The following GRID1 variants were observed in gnomAD, a reference collection of about 807,000 sequenced individuals.
The protein encoded by GRID1 is glutamate receptor ionotropic, delta-1.
GRID1 carries 28 observed loss-of-function variants against 98.0 expected under a neutral mutation model. That is an observed-to-expected ratio of 0.29 (90% CI 0.21 to 0.39). The LOEUF is 0.39. Among genes scored for constraint, GRID1 ranks in the 10% least tolerant of loss-of-function variants. The pLI, the probability that GRID1 is intolerant of heterozygous loss-of-function variation, is 1.00. For synonymous variants in GRID1, 553 were observed against 538.5 expected (o/e 1.03, Z -0.37); for missense variants, 1,111 against 1,340.5 (o/e 0.83, Z 2.67).
At chr10:86,136,101 T>C (rs1343536617) in intron 4 of GRID1, among the ~76,000 whole-genome samples, 2 of 152,200 alleles carry the variant, frequency 1.3e-5, no homozygotes, top group Admixed American at 6.5e-5. Flanking sequence ...CGTTTGTCCT[T>C]GTCACAACAA....
chr10:86,165,114 G>A (rs975546242), intron 3 of GRID1, among the ~76,000 whole-genome samples: 1 of 152,114 alleles, frequency 6.6e-6, no homozygotes, highest in Admixed American at 6.5e-5. Context: ...CAGCCACAGG[G>A]GGTTTCAATC....
intron 2 of GRID1, among the ~76,000 whole-genome samples, chr10:86,230,514 G>T (rs12357426): frequency 0.3 from 44,996 of 152,082 alleles, 7,216 homozygotes; most frequent in Non-Finnish European, 0.38. Flanking sequence ...CAGCTCTGGA[G>T]AGGCCATCAT....
chr10:85,622,522 C>G (rs1285957750), intron 13 of GRID1, among the ~76,000 whole-genome samples: 1 of 152,178 alleles, frequency 6.6e-6, no homozygotes, highest in African/African-American at 2.4e-5. Context: ...ACTACAGGTT[C>G]ACGCCACTAT....
At chr10:85,805,382 C>G (rs562664140) in intron 8 of GRID1, among the ~76,000 whole-genome samples, 1 of 151,856 alleles carries the variant, frequency 6.6e-6, no homozygotes, top group Non-Finnish European at 1.5e-5. Flanking sequence ...TTGGCATGTT[C>G]ATGAGTGAAA....
chr10:86,120,833 G>T (rs1409448066), intron 4 of GRID1, among the ~76,000 whole-genome samples: 3 of 152,118 alleles, frequency 2.0e-5, no homozygotes, highest in Admixed American at 6.5e-5. Context: ...CCTTTGTCGT[G>T]GGGGGAGTGA....
Position 85,601,909 on chromosome 10 carries a change from A to T in GRID1, c.*364T>A. On this transcript the variant is annotated 3_prime_UTR_variant, in exon 16 of 16. Transcript: ENST00000327946. ...TCCTCGTCTTCCCTTCTCCCCCAGCAGAGAGGGGCTCCTTATCTGGTCGCC... is the reference window on the plus strand; with the variant it reads ...TCCTCGTCTTCCCTTCTCCCCCAGCTGAGAGGGGCTCCTTATCTGGTCGCC... The T allele has an allele frequency of 5.0e-6, 1 of 199,086 alleles. No individual in the cohort carries two copies. The highest frequency in any genetic ancestry group is 1.2e-4 in the East Asian group (1 of 8,494). 12.3% of individuals were successfully genotyped at this position (199,086 alleles called of 1,614,324 possible).
rs1841790428 is a variant in GRID1 at position 85,728,757 on chromosome 10, T to A, written c.1336-705A>T. On this transcript the variant is annotated intron_variant, in intron 9 of 15. Transcript: ENST00000327946. ...GCCTTTGGCAAACAGCTCCAGGGAG[T>A]ATAGCTCATTAATTTAGTTGTGTTG... Among the ~76,000 whole-genome samples, 4 of 152,004 alleles carry A rather than the reference T, an allele frequency of 2.6e-5. 1 individual carries two copies. The South Asian group carries it at 8.3e-4, about 32-fold the overall frequency.
chr10:86,265,230 C>T (rs1237145643), intron 2 of GRID1, among the ~76,000 whole-genome samples: 1 of 152,222 alleles, frequency 6.6e-6, no homozygotes, highest in Non-Finnish European at 1.5e-5. Flanking sequence ...TCACCTCCCA[C>T]TCCACTTCTC....
intron 2 of GRID1, among the ~76,000 whole-genome samples, chr10:86,266,963 G>C (rs1307474710): frequency 6.6e-6 from 1 of 152,146 alleles, no homozygotes; most frequent in Admixed American, 6.5e-5. Flanking sequence ...CTGTCCCCAA[G>C]AACAAGAGTA....
intron 14 of GRID1, among the ~76,000 whole-genome samples, chr10:85,616,065 T>C (rs1370976927): frequency 6.6e-6 from 1 of 152,172 alleles, no homozygotes; most frequent in Non-Finnish European, 1.5e-5. Context: ...TACAGACCGT[T>C]AGCTCGAGAT....
intron 8 of GRID1, among the ~76,000 whole-genome samples, chr10:85,808,750 T>C (rs1183971751): frequency 6.6e-6 from 1 of 152,118 alleles, no homozygotes; most frequent in African/African-American, 2.4e-5. Context: ...AGTATAGCAT[T>C]TTACAATAAT....
intron 3 of GRID1, among the ~76,000 whole-genome samples, chr10:86,167,265 G>T (rs1243337819): frequency 1.3e-5 from 2 of 152,356 alleles, no homozygotes; most frequent in African/African-American, 4.8e-5. Flanking sequence ...CCTCCCTGCT[G>T]CTGTCTTCCT....
At chr10:86,024,792 C>T (rs1843095309) in intron 4 of GRID1, among the ~76,000 whole-genome samples, 1 of 152,218 alleles carries the variant, frequency 6.6e-6, no homozygotes, top group South Asian at 2.1e-4. Context: ...TCTGGTCCAG[C>T]ATGCAAGGGT....
chr10:85,693,007 A>AGC (rs1841350964), intron 12 of GRID1, among the ~76,000 whole-genome samples: 1 of 152,240 alleles, frequency 6.6e-6, no homozygotes, highest in Non-Finnish European at 1.5e-5. Context: ...GAGATGAATA[A>AGC]GCGATGACTG....
intron 2 of GRID1, among the ~76,000 whole-genome samples, chr10:86,219,827 G>A (rs1312979599): frequency 6.6e-6 from 1 of 152,226 alleles, no homozygotes; most frequent in Non-Finnish European, 1.5e-5. Context: ...GTGACACTAC[G>A]GAAGCTGAAG....
chr10:86,249,262 G>C (rs1846782232), intron 2 of GRID1, among the ~76,000 whole-genome samples: 1 of 152,188 alleles, frequency 6.6e-6, no homozygotes, highest in South Asian at 2.1e-4. Context: ...ATGTCCTGGG[G>C]TTAGACCTGG....
In GRID1 at chr10:86,168,688, A is replaced by G. The variant is rs115132683; in HGVS notation, c.521-29664T>C. Among the ~76,000 whole-genome samples the G allele has an allele frequency of 3.3e-3, 499 of 152,256 alleles. 4 individuals are homozygous for G. Among genetic ancestry groups the G allele is most frequent in the African/African-American group, 0.011 (469 of 41,546 alleles). The stretch of plus-strand genomic sequence containing the variant: ...CGGTGAGTAAGGCTGGCAGGGAAAG[A>G]ACACACTCAGGCTTTGCACACAGAG... On this transcript the variant is annotated intron_variant, in intron 3 of 15. Transcript: ENST00000327946.
At chr10:85,865,790 A>G (rs1282233102) in intron 6 of GRID1, among the ~76,000 whole-genome samples, 2 of 151,580 alleles carry the variant, frequency 1.3e-5, no homozygotes, top group African/African-American at 4.9e-5. Context: ...CAGCTGCCCA[A>G]GTAGTTGTTG....
At position 85,982,560 on chromosome 10, in the gene GRID1, G is replaced by T. The variant is rs983386088; in HGVS notation, c.727-66321C>A. ...CGGGAGTATTGCAGGGGAGGAGGTG[G>T]GGAGGGGACCCATGGTGAGCCCAGC... On this transcript the variant is annotated intron_variant, in intron 4 of 15. Transcript: ENST00000327946. Among the ~76,000 whole-genome samples, 3 of 152,258 alleles carry T rather than the reference G, an allele frequency of 2.0e-5. No homozygotes were observed. The South Asian group carries it at 6.2e-4, about 32-fold the overall frequency.
Sources: allele counts gnomAD v4.1 joint callset (sites outside exome capture counted in the v4.1 genomes callset), GRCh38; gene constraint gnomAD v4.1.1; transcripts MANE v1.5; gene names NCBI Gene and HGNC (gene_info 2026-07-23, HGNC 2026-07-21).